Variants in TRPC1 observed in about 807,000 individuals in gnomAD.
TRPC1 encodes short transient receptor potential channel 1.
TRPC1 carries 42 observed loss-of-function variants against 88.2 expected under a neutral mutation model. That is an observed-to-expected ratio of 0.48 (90% CI 0.37 to 0.62). The LOEUF is 0.62. TRPC1 is among the 20% of genes least tolerant of loss of function. The pLI, the probability that TRPC1 is intolerant of heterozygous loss-of-function variation, is 0.00. For synonymous variants in TRPC1, 288 were observed against 331.8 expected (o/e 0.87, Z 1.43); for missense variants, 699 against 957.3 (o/e 0.73, Z 3.56).
intron 4 of TRPC1, among the ~76,000 whole-genome samples, chr3:142,774,854 A>G (rs1005324660): frequency 6.6e-6 from 1 of 152,184 alleles, no homozygotes; most frequent in Non-Finnish European, 1.5e-5. Flanking sequence ...TTTCCACACA[A>G]TGGTGCTTCA....
rs765395234 is a variant in TRPC1 at position 142,736,543 on chromosome 3, T to C, written c.327+10T>C. ...GGACTACGGTTGTCAGGTACAAGGCTAGATAATTTAATCCAGTTAACTTCT... is the reference window on the plus strand; with the variant it reads ...GGACTACGGTTGTCAGGTACAAGGCCAGATAATTTAATCCAGTTAACTTCT... On this transcript the variant is annotated intron_variant, in intron 2 of 12. Transcript: ENST00000476941. 1 of 1,582,646 alleles carries C rather than the reference T, an allele frequency of 6.3e-7. No individual in the cohort carries two copies. The highest frequency in any genetic ancestry group is 1.2e-5 in the South Asian group (1 of 85,342).
At chr3:142,743,368 T>G (rs1429722977) in intron 2 of TRPC1, 117 bp from the exon 3 acceptor site, 1 of 722,072 alleles carries the variant, frequency 1.4e-6, no homozygotes, top group Non-Finnish European at 2.1e-6. Context: ...AAAAATTTTG[T>G]ATTACTGTAT....
chr3:142,771,226 T>C (rs1288764212), intron 4 of TRPC1, among the ~76,000 whole-genome samples: 3 of 152,200 alleles, frequency 2.0e-5, no homozygotes, highest in Non-Finnish European at 4.4e-5. Context: ...CCAAACTATA[T>C]CATGTAGCAT....
chr3:142,800,515 G>T (rs1176772363), intron 9 of TRPC1, among the ~76,000 whole-genome samples: 2 of 152,074 alleles, frequency 1.3e-5, no homozygotes, highest in Non-Finnish European at 2.9e-5. Flanking sequence ...TATGCTGGCC[G>T]ACTTGGGCCA....
At chr3:142,761,896 A>G (rs1485900147) in intron 4 of TRPC1, among the ~76,000 whole-genome samples, 1 of 151,758 alleles carries the variant, frequency 6.6e-6, no homozygotes, top group Non-Finnish European at 1.5e-5. Flanking sequence ...GATTCTTTGT[A>G]TTTCTAAGGT....
intron 4 of TRPC1, among the ~76,000 whole-genome samples, chr3:142,764,132 G>T (rs957150192): frequency 4.7e-5 from 7 of 150,240 alleles, no homozygotes; most frequent in African/African-American, 1.5e-4. Flanking sequence ...ACTTTTAGTT[G>T]TCAACTGATA....
At chr3:142,786,696 A>G (rs553779941) in intron 7 of TRPC1, among the ~76,000 whole-genome samples, 1 of 152,290 alleles carries the variant, frequency 6.6e-6, no homozygotes, top group South Asian at 2.1e-4. Flanking sequence ...TCCTGGAAGA[A>G]TTTTACACAT....
intron 1 of TRPC1, among the ~76,000 whole-genome samples, chr3:142,733,836 A>G (rs1934026382): frequency 6.6e-6 from 1 of 152,228 alleles, no homozygotes; most frequent in African/African-American, 2.4e-5. Context: ...AAAGTGAAGA[A>G]AAAACTGAAA....
intron 2 of TRPC1, among the ~76,000 whole-genome samples, chr3:142,741,657 T>G (rs1225068204): frequency 6.6e-6 from 1 of 152,244 alleles, no homozygotes; most frequent in Non-Finnish European, 1.5e-5. Flanking sequence ...TGAAGGATAC[T>G]TGGGAAAGCC....
chr3:142,802,156 ATATAT>A lies in TRPC1; in HGVS notation c.1582-11_1582-7del, dbSNP rs780567889. ...GATAATCTTAATGAACACCTGTGTA[ATATAT>A]TCCACAGATTTCAATGGGACAGATG... On this transcript the variant is annotated splice_polypyrimidine_tract_variant and splice_region_variant and intron_variant, in intron 9 of 12. Transcript: ENST00000476941. 3.0e-5 allele frequency: 45 copies of A among 1,520,532 alleles called. No individual in the cohort carries two copies. In the African/African-American group the frequency reaches 5.1e-4, roughly 17 times the overall value. 94.2% of individuals were successfully genotyped at this position (1,520,532 alleles called of 1,614,324 possible).
intron 4 of TRPC1, among the ~76,000 whole-genome samples, chr3:142,754,482 T>C (rs969694057): frequency 3.3e-5 from 5 of 152,152 alleles, no homozygotes; most frequent in Non-Finnish European, 5.9e-5. Flanking sequence ...TGTATACATA[T>C]GTAACAAACC....
intron 3 of TRPC1, among the ~76,000 whole-genome samples, chr3:142,744,861 G>A (rs1934486365): frequency 6.6e-6 from 1 of 151,916 alleles, no homozygotes; most frequent in African/African-American, 2.4e-5. Context: ...TTCATTATTG[G>A]TGACGATACC....
intron 12 of TRPC1, 46 bp from the exon 13 acceptor site, chr3:142,805,962 A>T: frequency 6.5e-7 from 1 of 1,540,606 alleles, no homozygotes; most frequent in Non-Finnish European, 8.9e-7. Context: ...TACCTCATTT[A>T]AATATCGTTT....
At chr3:142,742,190 A>G (rs1205038070) in intron 2 of TRPC1, among the ~76,000 whole-genome samples, 1 of 152,104 alleles carries the variant, frequency 6.6e-6, no homozygotes, top group Non-Finnish European at 1.5e-5. Flanking sequence ...AAAATCATAA[A>G]TGAAATATTT....
chr3:142,800,632 T>C (rs1230964785), intron 9 of TRPC1, among the ~76,000 whole-genome samples: 1 of 152,046 alleles, frequency 6.6e-6, no homozygotes, highest in East Asian at 1.9e-4. Flanking sequence ...TTAAAAATAA[T>C]GAGGCCAGGC....
At chr3:142,771,755 T>G (rs1935587265) in intron 4 of TRPC1, among the ~76,000 whole-genome samples, 1 of 152,188 alleles carries the variant, frequency 6.6e-6, no homozygotes, top group Admixed American at 6.5e-5. Flanking sequence ...GGCCAAACAT[T>G]ACTTTCTATT....
In TRPC1 at chr3:142,792,802, G is replaced by A. The variant is rs1936330833; in HGVS notation, c.1438-22G>A. 6.5e-7 allele frequency: 1 copy of A among 1,534,288 alleles called. No individual in the cohort carries two copies. Among genetic ancestry groups the A allele is most frequent in the Non-Finnish European group, 8.7e-7 (1 of 1,144,702 alleles). On this transcript the variant is annotated intron_variant, in intron 8 of 12. Transcript: ENST00000476941. The surrounding 1 kb of genome is among the most constrained non-coding windows in gnomAD (Gnocchi z 4.0). Reference sequence around the variant, plus strand: ...AAATTGAGAGAGCTTATTTACCTTTGGCTTTTTCTTCCTAACCTTAGTTTC... The same window carrying A: ...AAATTGAGAGAGCTTATTTACCTTTAGCTTTTTCTTCCTAACCTTAGTTTC...
In TRPC1 at chr3:142,736,367, A is replaced by G. The variant is rs773945664; in HGVS notation, c.173-12A>G. ...CACGGATATTAAATTATGTTTGTAT[A>G]TTGTTATTTAGGTGACTATTATATG... On this transcript the variant is annotated splice_polypyrimidine_tract_variant and intron_variant, in intron 1 of 12. Transcript: ENST00000476941. 2.6e-6 allele frequency: 4 copies of G among 1,560,502 alleles called. No homozygotes were observed. The highest frequency in any genetic ancestry group is 2.4e-5 in the South Asian group (2 of 82,118).
intron 4 of TRPC1, among the ~76,000 whole-genome samples, chr3:142,771,790 G>C (rs1560108004): frequency 6.6e-6 from 1 of 151,956 alleles, no homozygotes; most frequent in Non-Finnish European, 1.5e-5. Flanking sequence ...CTATATAATT[G>C]CTTTTTAAAT....
Sources: allele counts gnomAD v4.1 joint callset (sites outside exome capture counted in the v4.1 genomes callset), GRCh38; gene constraint gnomAD v4.1.1; non-coding constraint Gnocchi (gnomAD v3.1); transcripts MANE v1.5; gene names NCBI Gene and HGNC (gene_info 2026-07-23, HGNC 2026-07-21).